Variants in ZNF208 observed in about 807,000 individuals in gnomAD.
ZNF208 encodes the protein zinc finger protein 95.
Under a neutral mutation model 12.1 loss-of-function variants are expected in ZNF208, and 10 were observed. The ratio of observed to expected loss-of-function variants is 0.83; its 90% CI spans 0.51 to 1.40. The LOEUF is 1.40. Ranked by LOEUF, ZNF208 falls within the 40% of genes most tolerant of loss-of-function variation. The pLI is 0.00. For synonymous variants in ZNF208, 497 were observed against 488.4 expected (o/e 1.02, Z -0.23); for missense variants, 1,652 against 1,485.0 (o/e 1.11, Z -1.85).
rs1971139954 is a variant in ZNF208 at position 22,010,939 on chromosome 19, A to G, written c.-145T>C. On this transcript the variant is annotated 5_prime_UTR_variant, in exon 1 of 4. Coordinates refer to ENST00000397126, the MANE Select transcript of ZNF208 (RefSeq NM_007153.3). ...TTGACCTCCGGCTGCAGCGAGAGAC[A>G]AAGGACCGACCACATCCCGGAAGCC... The G allele has an allele frequency of 8.0e-7, 1 of 1,249,306 alleles. No homozygotes were observed. The highest frequency in any genetic ancestry group is 1.5e-5 in the African/African-American group (1 of 67,530). The allele number at this position is 1,249,306 out of a possible 1,614,324, so 77.4% of individuals were successfully genotyped here.
At chr19:21,984,245 T>G (rs1970594844) in intron 3 of ZNF208, among the ~76,000 whole-genome samples, 1 of 152,032 alleles carries the variant, frequency 6.6e-6, no homozygotes, top group Non-Finnish European at 1.5e-5. Flanking sequence ...ACAACAAAAA[T>G]AGAAAAAAAC....
rs941860276 is a variant in ZNF208, at chr19:21,970,249, C to T, written c.*942G>A. On this transcript the variant is annotated 3_prime_UTR_variant, in exon 4 of 4. Transcript: ENST00000397126. ...GAATTGAGGATCTATTAGAGGCTTT[C>T]CCACATTCTTCACACATGCATGGTT... is the stretch of plus-strand genomic sequence containing the variant. 6.6e-6 allele frequency among the ~76,000 whole-genome samples: 1 copy of T among 152,140 alleles called. No individual in the cohort carries two copies. Among genetic ancestry groups the T allele is most frequent in the African/African-American group, 2.4e-5 (1 of 41,434 alleles).
At chr19:21,996,002 C>T (rs776005894) in intron 1 of ZNF208, among the ~76,000 whole-genome samples, 1 of 152,198 alleles carries the variant, frequency 6.6e-6, no homozygotes, top group Non-Finnish European at 1.5e-5. Context: ...GAGGCCAGGT[C>T]TTATTTGCAA....
Position 21,968,914 on chromosome 19 carries a change from G to A in ZNF208, c.*2277C>T, listed in dbSNP as rs1970221989. Reference sequence around the variant, plus strand: ...GACTTCTGTTATTAGGCCAGGCACTGTGGCTCATGCCTGCAATCCCAGGAC... The same window carrying A: ...GACTTCTGTTATTAGGCCAGGCACTATGGCTCATGCCTGCAATCCCAGGAC... On this transcript the variant is annotated 3_prime_UTR_variant, in exon 4 of 4. Coordinates refer to ENST00000397126, the MANE Select transcript of ZNF208 (RefSeq NM_007153.3). Among the ~76,000 whole-genome samples, 2 of 152,290 alleles carry A rather than the reference G, an allele frequency of 1.3e-5. No individual in the cohort carries two copies. Among genetic ancestry groups the A allele is most frequent in the South Asian group, 2.1e-4 (1 of 4,822 alleles).
Position 21,972,971 on chromosome 19 carries a change from G to A in ZNF208, c.2063C>T (p.Thr688Ile), listed in dbSNP as rs756620266. The A allele has an allele frequency of 6.2e-6, 10 of 1,613,578 alleles. No individual in the cohort carries two copies. The highest frequency in any genetic ancestry group is 8.5e-6 in the Non-Finnish European group (10 of 1,179,898). Reference sequence around the variant, plus strand: ...TTCACATTTGTAGGGTTTCTCTCCAGTATGAATTACCTTATGTTTAGTAAG... The same window carrying A: ...TTCACATTTGTAGGGTTTCTCTCCAATATGAATTACCTTATGTTTAGTAAG... ...SILTKHKVIH[T>I]GEKPYKCEEC... Residue 688 changes from threonine to isoleucine, a missense_variant, in exon 4 of 4, where the codon ACT becomes ATT. Transcript: ENST00000397126.
At chr19:21,983,331 C>T (rs773618494) in intron 3 of ZNF208, among the ~76,000 whole-genome samples, 28 of 150,728 alleles carry the variant, frequency 1.9e-4, no homozygotes, top group Non-Finnish European at 3.5e-4. Context: ...GTTAGAACGG[C>T]GATCATTGAG....
chr19:21,976,870 A>T (rs1970440952), intron 3 of ZNF208, among the ~76,000 whole-genome samples: 1 of 151,854 alleles, frequency 6.6e-6, no homozygotes, highest in Non-Finnish European at 1.5e-5. Flanking sequence ...CTATTAAAAA[A>T]TTTTAAATAT....
intron 4 of ZNF208, among the ~76,000 whole-genome samples, chr19:21,953,415 G>T (rs1969923866): frequency 6.6e-6 from 1 of 152,162 alleles, no homozygotes; most frequent in Admixed American, 6.5e-5. Flanking sequence ...TAGCCAGAAA[G>T]GTCAGGTTAC....
intron 4 of ZNF208, among the ~76,000 whole-genome samples, chr19:21,944,115 T>A (rs955528170): frequency 2.0e-5 from 3 of 152,232 alleles, no homozygotes; most frequent in Non-Finnish European, 4.4e-5. Flanking sequence ...AAGGCACTAT[T>A]CAGTAGATAT....
At chr19:21,999,061 CT>C (rs1970892844) in intron 1 of ZNF208, among the ~76,000 whole-genome samples, 1 of 26,618 alleles carries the variant, frequency 3.8e-5, no homozygotes, top group Non-Finnish European at 7.9e-5. Flanking sequence ...TAATTTTATG[CT>C]ATAATTTATA....
Position 21,973,187 on chromosome 19 carries a change from T to G in ZNF208, c.1847A>C (p.Lys616Thr), listed in dbSNP as rs1970343643. The change falls in exon 4 of 4, where the codon AAA becomes ACA. Residue 616 changes from lysine (K) to threonine (T), a missense_variant. By Grantham distance (78) the Lys-to-Thr change is moderately conservative. Transcript: ENST00000397126. The stretch of plus-strand genomic sequence containing the variant: ...AAGGGTTGAGACCTTACTAAAGGTT[T>G]TGCCACATTCTTCACATTTGTAGGG... ...EKPYKCEECG[K>T]TFSKVSTLTT... 1 of 1,613,608 alleles carries G rather than the reference T, an allele frequency of 6.2e-7. No individual in the cohort carries two copies. The highest frequency in any genetic ancestry group is 8.5e-7 in the Non-Finnish European group (1 of 1,179,882).
chr19:21,945,366 G>A (rs1353228080), intron 4 of ZNF208, among the ~76,000 whole-genome samples: 1 of 152,092 alleles, frequency 6.6e-6, no homozygotes, highest in Non-Finnish European at 1.5e-5. Flanking sequence ...CTTTGTGTTT[G>A]TCTCTTGTTT....
At chr19:21,959,559 C>T (rs1970030980) in intron 4 of ZNF208, among the ~76,000 whole-genome samples, 2 of 152,176 alleles carry the variant, frequency 1.3e-5, no homozygotes, top group South Asian at 4.1e-4. Context: ...AGCACACTCA[C>T]TTGAATGATC....
intron 4 of ZNF208, among the ~76,000 whole-genome samples, chr19:21,956,503 G>A (rs1335278300): frequency 6.6e-6 from 1 of 152,220 alleles, no homozygotes; most frequent in Non-Finnish European, 1.5e-5. Context: ...GAGGTTCCCA[G>A]TCATTTTGGT....
At chr19:21,983,387 C>G (rs572289299) in intron 3 of ZNF208, among the ~76,000 whole-genome samples, 1 of 152,018 alleles carries the variant, frequency 6.6e-6, no homozygotes, top group African/African-American at 2.4e-5. Context: ...AGTAGAAAAG[C>G]TTTTACACTG....
chr19:21,983,608 C>T (rs1970583421), intron 3 of ZNF208, among the ~76,000 whole-genome samples: 1 of 152,020 alleles, frequency 6.6e-6, no homozygotes, highest in Non-Finnish European at 1.5e-5. Context: ...AACCCAAATG[C>T]CCATCAGTAA....
chr19:21,952,520 C>T (rs564227754), intron 4 of ZNF208, among the ~76,000 whole-genome samples: 4 of 152,318 alleles, frequency 2.6e-5, no homozygotes, highest in South Asian at 4.1e-4. Flanking sequence ...GCTGGTGATA[C>T]CCAGGCACTC....
chr19:21,941,529 T>C (rs759722315), intron 4 of ZNF208: 9 of 361,072 alleles, frequency 2.5e-5, no homozygotes, highest in Admixed American at 1.1e-4. Flanking sequence ...CAAGTGCAAA[T>C]AAAAAGTTAT....
At position 21,974,456 on chromosome 19, in the gene ZNF208, C is replaced by A. The variant is rs768540069; in HGVS notation, c.578G>T (p.Arg193Ile). Residue 193 changes from arginine to isoleucine, a missense_variant, in exon 4 of 4, where the codon AGA (arginine) becomes ATA (isoleucine). Transcript: ENST00000397126. ...CMLSHLSQHK[R>I]IYTRENSYKC... ...GTAGGAATTCTCTCTAGTATAAATT[C>A]TTTTATGTTGAGATAGGTGTGAAAG... 28 of 1,613,534 alleles carry A rather than the reference C, an allele frequency of 1.7e-5. No individual in the cohort carries two copies. Among genetic ancestry groups the A allele is most frequent in the East Asian group, 2.2e-5 (1 of 44,866 alleles).
Sources: gnomAD v4.1 joint callset for allele counts (sites outside exome capture counted in the v4.1 genomes callset) on GRCh38, gnomAD v4.1.1 for gene constraint, MANE v1.5 for transcripts, NCBI Gene and HGNC (gene_info 2026-07-23, HGNC 2026-07-21) for gene names.